The following FHOD3 variants were observed in gnomAD, a reference collection of about 807,000 sequenced individuals.
The protein encoded by FHOD3 is formin homology 2 domain containing 3.
In FHOD3, 90 loss-of-function variants were observed where a neutral mutation model predicts 173.0. The observed-to-expected ratio is 0.52, with a 90% CI of 0.44 to 0.62. FHOD3 has a LOEUF of 0.62. Ranked by LOEUF, FHOD3 falls within the 20% of genes least tolerant of loss-of-function variation. The pLI, the probability that FHOD3 is intolerant of heterozygous loss-of-function variation, is 0.00. For synonymous variants in FHOD3, 828 were observed against 823.0 expected, an observed-to-expected ratio of 1.01 and a Z score of -0.10; for missense variants, 1,945 against 2,034.7, an observed-to-expected ratio of 0.96 and a Z score of 0.85.
intron 5 of FHOD3, among the ~76,000 whole-genome samples, chr18:36,517,576 C>T (rs983491245): frequency 6.6e-6 from 1 of 152,192 alleles, no homozygotes; most frequent in African/African-American, 2.4e-5. Flanking sequence ...ACTGCCTCTT[C>T]GGGCTAGCTT....
intron 2 of FHOD3, among the ~76,000 whole-genome samples, chr18:36,363,640 T>C (rs987679061): frequency 2.6e-5 from 4 of 151,774 alleles, no homozygotes; most frequent in African/African-American, 4.8e-5. Flanking sequence ...GGAGTTGAGA[T>C]TGGGAGATGG....
chr18:36,576,785 T>A (rs572864591), intron 6 of FHOD3, among the ~76,000 whole-genome samples: 2 of 152,308 alleles, frequency 1.3e-5, no homozygotes, highest in South Asian at 4.1e-4. Context: ...TTTGGAACCT[T>A]CGGTTTTTAA....
At chr18:36,327,259 G>T (rs1023188570) in intron 1 of FHOD3, among the ~76,000 whole-genome samples, 17 of 152,276 alleles carry the variant, frequency 1.1e-4, no homozygotes, top group African/African-American at 4.1e-4. Context: ...TGGTGTGCTG[G>T]CAGAGCCCCA....
At chr18:36,600,604 T>C (rs2031235814) in intron 7 of FHOD3, among the ~76,000 whole-genome samples, 2 of 152,354 alleles carry the variant, frequency 1.3e-5, no homozygotes, top group African/African-American at 2.4e-5. Flanking sequence ...ATAACACAGC[T>C]AAAAACACGT....
intron 5 of FHOD3, among the ~76,000 whole-genome samples, chr18:36,516,513 T>C (rs2055987208): frequency 6.6e-6 from 1 of 152,202 alleles, no homozygotes; most frequent in South Asian, 2.1e-4. Flanking sequence ...GAGCCCCGTG[T>C]GGGAGAAGGT....
At chr18:36,366,456 CATTG>C (rs1226235474) in intron 2 of FHOD3, among the ~76,000 whole-genome samples, 1 of 152,164 alleles carries the variant, frequency 6.6e-6, no homozygotes, top group African/African-American at 2.4e-5. Context: ...ATGTTACTTG[CATTG>C]ATTGATTGAA....
intron 7 of FHOD3, among the ~76,000 whole-genome samples, chr18:36,601,990 T>C (rs1247814354): frequency 6.6e-6 from 1 of 152,306 alleles, no homozygotes; most frequent in East Asian, 1.9e-4. Context: ...CCTGCAGTCA[T>C]CCCTGCTGCA....
intron 27 of FHOD3, among the ~76,000 whole-genome samples, chr18:36,765,290 G>A (rs1220611890): frequency 6.6e-6 from 1 of 152,198 alleles, no homozygotes; most frequent in Non-Finnish European, 1.5e-5. Context: ...GAAGTGGACT[G>A]ATTGTTAATT....
At chr18:36,713,890 T>G (rs2040307306) in intron 18 of FHOD3, among the ~76,000 whole-genome samples, 1 of 152,108 alleles carries the variant, frequency 6.6e-6, no homozygotes. Flanking sequence ...AGACTTAAGC[T>G]CTAACATATC....
At chr18:36,740,521 GT>G in intron 20 of FHOD3, 134 bp from the exon 21 acceptor site, 2 of 913,258 alleles carry the variant, frequency 2.2e-6, no homozygotes, top group Non-Finnish European at 3.3e-6. Context: ...AGTATATTTG[GT>G]TTATGACAAT....
Position 36,642,456 on chromosome 18 carries a change from A to G in FHOD3, c.1197-6860A>G, listed in dbSNP as rs577780451. Among the ~76,000 whole-genome samples, 485 of 152,122 alleles carry G rather than the reference A, an allele frequency of 3.2e-3. 3 individuals are homozygous for G. The highest frequency in any genetic ancestry group is 8.2e-3 in the African/African-American group (340 of 41,526). On this transcript the variant is annotated intron_variant, in intron 10 of 28. Coordinates refer to ENST00000590592, the MANE Select transcript of FHOD3 (RefSeq NM_001281740.3). ...AACACGGTGAAACCCCGTCTCTACT[A>G]AAAATACAAAAAATTAGCCGGGCGT... is the stretch of plus-strand genomic sequence containing the variant.
intron 3 of FHOD3, among the ~76,000 whole-genome samples, chr18:36,454,892 C>T (rs566575035): frequency 5.6e-4 from 86 of 152,284 alleles, no homozygotes; most frequent in African/African-American, 2.0e-3. Flanking sequence ...GTTCTTGAGC[C>T]CTTTGGAGGT....
intron 3 of FHOD3, among the ~76,000 whole-genome samples, chr18:36,454,045 T>C (rs1394822870): frequency 6.6e-6 from 1 of 152,328 alleles, no homozygotes; most frequent in East Asian, 1.9e-4. Context: ...TTTATTTTAT[T>C]CTTCCCCACC....
intron 9 of FHOD3, 138 bp from the exon 10 acceptor site, chr18:36,625,373 G>T: frequency 2.9e-6 from 2 of 687,774 alleles, no homozygotes. Context: ...TGAAGACCTG[G>T]CAGGGAAGCT....
rs779000457 is a variant in FHOD3, at chr18:36,718,122, G to C, written c.2824G>C (p.Glu942Gln). 1.5e-5 allele frequency: 24 copies of C among 1,602,656 alleles called. No homozygotes were observed. The East Asian group carries it at 5.1e-4, about 34-fold the overall frequency. ...DNRGSVKAFAEKFNSGDLGRG... is the reference protein window; with the variant it reads ...DNRGSVKAFAQKFNSGDLGRG... ...TCGGGGCAGTGTGAAAGCATTTGCT[G>C]AGAAATTCAACAGTGGGGACCTGGG... Residue 942 changes from glutamate to glutamine, a missense_variant, in exon 19 of 29, where the codon GAG (glutamate) becomes CAG (glutamine). Physicochemically the swap from Glu to Gln is conservative, Grantham distance 29 (BLOSUM62 2). Around this residue, in one of 5 missense-constraint regions of FHOD3, gnomAD observed 1,099 missense variants for 1,051.2 expected, o/e 1.05. Transcript: ENST00000590592.
intron 5 of FHOD3, among the ~76,000 whole-genome samples, chr18:36,566,727 G>C (rs1266481494): frequency 2.0e-5 from 3 of 152,144 alleles, no homozygotes; most frequent in Non-Finnish European, 4.4e-5. Context: ...TCTGAACCTG[G>C]GGCAGTAGTA....
Position 36,470,711 on chromosome 18 carries a change from G to A in FHOD3, c.338-31221G>A, listed in dbSNP as rs185342654. ...GATAGTAGCCACTCTGCCTCTGGGG[G>A]GCAAAAAGCAGACAAATTTAGTTCA... On this transcript the variant is annotated intron_variant, in intron 3 of 28. Transcript: ENST00000590592. Among the ~76,000 whole-genome samples, 170 of 152,302 alleles carry A rather than the reference G, an allele frequency of 1.1e-3. 1 individual carries two copies. Among genetic ancestry groups the A allele is most frequent in the African/African-American group, 4.0e-3 (165 of 41,572 alleles).
At chr18:36,645,403 G>A (rs2035611307) in intron 10 of FHOD3, among the ~76,000 whole-genome samples, 1 of 152,122 alleles carries the variant, frequency 6.6e-6, no homozygotes, top group Admixed American at 6.5e-5. Context: ...ACCTCAGCCT[G>A]GGTGACAGAG....
chr18:36,644,617 G>A (rs2035556552), intron 10 of FHOD3, among the ~76,000 whole-genome samples: 2 of 152,208 alleles, frequency 1.3e-5, no homozygotes, highest in South Asian at 2.1e-4. Flanking sequence ...TGGGATCTGA[G>A]GATGTTGAGC....
Sources: allele counts gnomAD v4.1 joint callset (sites outside exome capture counted in the v4.1 genomes callset), GRCh38; gene constraint gnomAD v4.1.1; regional missense constraint gnomAD v4.1.1; transcripts MANE v1.5; gene names NCBI Gene and HGNC (gene_info 2026-07-23, HGNC 2026-07-21).